CD99: variants seen among roughly 807,000 people sequenced by gnomAD.
The protein encoded by CD99 is CD99 antigen.
A neutral mutation model predicts 28.4 loss-of-function variants in CD99; 19 were observed. That is an observed-to-expected ratio of 0.67 (90% confidence interval 0.47 to 0.98). The LOEUF is 0.98. CD99 is among the 50% of genes least tolerant of loss of function. CD99 has a pLI of 0.00. For synonymous variants in CD99, 103 were observed against 92.1 expected (o/e 1.12, Z -0.67); for missense variants, 283 against 248.8 (o/e 1.14, Z -0.92).
chrX:2,709,701 T>C (rs761620578), intron 1 of CD99, among the ~76,000 whole-genome samples: 2 of 152,224 alleles, frequency 1.3e-5, no homozygotes, highest in South Asian at 2.1e-4. Flanking sequence ...TGCATGAACA[T>C]AGACACACAC....
chrX:2,733,292 G>A, intron 8 of CD99: 2 of 1,531,110 alleles, frequency 1.3e-6, no homozygotes, highest in Non-Finnish European at 1.8e-6. Context: ...CACAGCAAAA[G>A]CAGACCCAGC....
chrX:2,717,579 C>A (rs7049560), intron 2 of CD99, 26 bp from the exon 3 acceptor site: 1 of 1,598,054 alleles, frequency 6.3e-7, no homozygotes, highest in Non-Finnish European at 8.6e-7. Flanking sequence ...GCAACTTTTA[C>A]TAACTGAAAT....
At position 2,713,339 on chromosome X, in the gene CD99, A is replaced by G. The variant is rs182713062; in HGVS notation, c.68-1083A>G. ...AAACACACTACACACACAGAAACCC[A>G]CAAAATACACCTCCACACTTACACA... On this transcript the variant is annotated intron_variant, in intron 1 of 9. Transcript: ENST00000381192. Among the ~76,000 whole-genome samples, 4 of 152,046 alleles carry G rather than the reference A, an allele frequency of 2.6e-5. No homozygotes were observed. In the East Asian group the frequency reaches 5.8e-4, roughly 22 times the overall value.
chrX:2,719,367 A>G (rs1440799022), intron 3 of CD99: 2 of 415,908 alleles, frequency 4.8e-6, no homozygotes, highest in Non-Finnish European at 8.5e-6. Flanking sequence ...AACACAATTC[A>G]TTTATAAATT....
intron 1 of CD99, among the ~76,000 whole-genome samples, chrX:2,712,903 A>G (rs1036580585): frequency 6.6e-5 from 10 of 152,090 alleles, no homozygotes; most frequent in African/African-American, 1.9e-4. Flanking sequence ...GTGTGCACAC[A>G]AACACATGCA....
intron 6 of CD99, among the ~76,000 whole-genome samples, chrX:2,722,967 C>T (rs1248270822): frequency 3.9e-5 from 6 of 152,180 alleles, no homozygotes; most frequent in Non-Finnish European, 5.9e-5. Flanking sequence ...CTCACCCATC[C>T]GTTCACCTGT....
At chrX:2,703,472 T>C (rs1310344713) in intron 1 of CD99, among the ~76,000 whole-genome samples, 2 of 152,200 alleles carry the variant, frequency 1.3e-5, no homozygotes, top group Non-Finnish European at 2.9e-5. Flanking sequence ...GATTGGTTCA[T>C]GACCTCTGGG....
chrX:2,694,938 A>AT (rs1426787942), intron 1 of CD99, among the ~76,000 whole-genome samples: 4 of 152,176 alleles, frequency 2.6e-5, no homozygotes, highest in African/African-American at 9.7e-5. Context: ...TTAGAAAGAA[A>AT]TGCAGCTCAT....
chrX:2,719,430 C>G, intron 3 of CD99: 1 of 567,086 alleles, frequency 1.8e-6, no homozygotes, highest in Non-Finnish European at 3.2e-6. Flanking sequence ...AGCTTCTCTC[C>G]TAGCTTTTTA....
At chrX:2,713,274 C>G (rs2048525088) in intron 1 of CD99, among the ~76,000 whole-genome samples, 1 of 151,904 alleles carries the variant, frequency 6.6e-6, no homozygotes, top group Admixed American at 6.6e-5. Flanking sequence ...TATGCACACA[C>G]AAACCCACAT....
chrX:2,739,023 TG>T (rs2050079303), intron 9 of CD99, among the ~76,000 whole-genome samples: 1 of 151,814 alleles, frequency 6.6e-6, no homozygotes, highest in South Asian at 2.1e-4. Flanking sequence ...GATTTGTTGT[TG>T]TTTTTTTTTT....
chrX:2,714,454 G>A lies in CD99; in HGVS notation c.100G>A (p.Asp34Asn), dbSNP rs1349051779. 1.3e-6 allele frequency: 2 copies of A among 1,600,000 alleles called. No individual in the cohort carries two copies. The highest frequency in any genetic ancestry group is 1.7e-6 in the Non-Finnish European group (2 of 1,168,194). Residue 34 changes from aspartate to asparagine, a missense_variant and splice_region_variant, in exon 2 of 10, where the codon GAC becomes AAC. By Grantham distance (23) the Asp-to-Asn change is conservative. Transcript: ENST00000381192. ...GGFDLSDALPDNENKKPTAIP... is the reference protein window; with the variant it reads ...GGFDLSDALPNNENKKPTAIP... ...TTTCGATTTATCCGATGCCCTTCCT[G>A]GTGAGTATCAACATCATTTTTTAAA... is the stretch of plus-strand genomic sequence containing the variant.
chrX:2,708,935 T>C (rs1397886301), intron 1 of CD99, among the ~76,000 whole-genome samples: 1 of 151,728 alleles, frequency 6.6e-6, no homozygotes, highest in Non-Finnish European at 1.5e-5. Flanking sequence ...CATGGGGGCA[T>C]TGGGGTCAGT....
intron 1 of CD99, among the ~76,000 whole-genome samples, chrX:2,704,776 C>T (rs1358927138): frequency 6.6e-6 from 1 of 151,732 alleles, no homozygotes; most frequent in Non-Finnish European, 1.5e-5. Context: ...TGCCGTGGTG[C>T]AGTGTCAGCT....
At position 2,740,463 on chromosome X, in the gene CD99, C is replaced by T. The variant is rs185237218; in HGVS notation, c.533-316C>T. Among the ~76,000 whole-genome samples, 13 of 152,256 alleles carry T rather than the reference C, an allele frequency of 8.5e-5. 1 individual carries two copies. Among genetic ancestry groups the T allele is most frequent in the Admixed American group, 7.2e-4 (11 of 15,300 alleles). On this transcript the variant is annotated intron_variant, in intron 9 of 9. Coordinates refer to ENST00000381192, the MANE Select transcript of CD99 (RefSeq NM_002414.5). ...CAAATCAATAAAAACTGCACACTCTCATTTAGAAGATTTATTCTTCCATTT... is the reference window on the plus strand; with the variant it reads ...CAAATCAATAAAAACTGCACACTCTTATTTAGAAGATTTATTCTTCCATTT...
chrX:2,730,362 C>T (rs191066457), intron 8 of CD99, among the ~76,000 whole-genome samples: 120 of 152,048 alleles, frequency 7.9e-4, no homozygotes, highest in African/African-American at 2.1e-3. Context: ...TTAGTAGAGA[C>T]GGAGTTTTGC....
chrX:2,694,630 A>G (rs898242371), intron 1 of CD99, among the ~76,000 whole-genome samples: 5 of 152,026 alleles, frequency 3.3e-5, no homozygotes, highest in African/African-American at 7.2e-5. Context: ...GTGAGCGCCT[A>G]TAATCCCAGC....
chrX:2,710,659 G>C (rs1474412002), intron 1 of CD99, among the ~76,000 whole-genome samples: 1 of 151,624 alleles, frequency 6.6e-6, no homozygotes, highest in Non-Finnish European at 1.5e-5. Context: ...CTTTGTTGGG[G>C]TGGAGGGGGT....
chrX:2,737,310 G>T (rs770844), intron 8 of CD99, among the ~76,000 whole-genome samples: 78,700 of 148,200 alleles, frequency 0.53, 20,892 homozygotes, highest in African/African-American at 0.63. Flanking sequence ...CCCAAGTAGC[G>T]GGGACTACAG....
Sources: gnomAD v4.1 joint callset for allele counts (sites outside exome capture counted in the v4.1 genomes callset) on GRCh38, gnomAD v4.1.1 for gene constraint, MANE v1.5 for transcripts, NCBI Gene and HGNC (gene_info 2026-07-23, HGNC 2026-07-21) for gene names.